Variants in SLC16A10 observed in about 807,000 individuals in gnomAD.
The protein encoded by SLC16A10 is solute carrier family 16 member 10.
SLC16A10 carries 27 observed loss-of-function variants against 40.0 expected under a neutral mutation model. The ratio of observed to expected loss-of-function variants is 0.67; its 90% CI spans 0.50 to 0.93. The LOEUF (loss-of-function observed/expected upper bound fraction) is 0.93, where lower values mean the gene tolerates loss of function less well. Ranked by LOEUF, SLC16A10 falls within the 40% of genes least tolerant of loss-of-function variation. The pLI is 0.00. For missense variants in SLC16A10, 529 were observed against 658.2 expected (o/e 0.80, Z 2.15); for synonymous variants, 213 against 249.8 (o/e 0.85, Z 1.39).
At chr6:111,210,044 A>G (rs1470795630) in intron 4 of SLC16A10, among the ~76,000 whole-genome samples, 1 of 152,204 alleles carries the variant, frequency 6.6e-6, no homozygotes, top group Non-Finnish European at 1.5e-5. Flanking sequence ...AAATTTGGAC[A>G]CAGGAAAATG....
chr6:111,146,988 G>A (rs923790897), intron 1 of SLC16A10, among the ~76,000 whole-genome samples: 7 of 152,178 alleles, frequency 4.6e-5, no homozygotes. Flanking sequence ...TGTATAAAAT[G>A]TCCAGAATTA....
At chr6:111,174,747 A>G (rs1329544253) in intron 2 of SLC16A10, among the ~76,000 whole-genome samples, 1 of 151,940 alleles carries the variant, frequency 6.6e-6, no homozygotes, top group Non-Finnish European at 1.5e-5. Flanking sequence ...ATGTATTACA[A>G]CTCTAGTTGT....
chr6:111,222,222 A>C lies in SLC16A10; in HGVS notation c.1535A>C (p.Asp512Ala). 2 of 1,601,852 alleles carry C rather than the reference A, an allele frequency of 1.2e-6. No individual in the cohort carries two copies. The highest frequency in any genetic ancestry group is 2.3e-5 in the South Asian group (2 of 88,302). Residue 512 changes from aspartate (D) to alanine (A), a missense_variant, in exon 6 of 6, where the codon GAC (aspartate) becomes GCC (alanine). Asp to Ala is a moderately radical substitution (Grantham distance 126). Transcript: ENST00000368851. ...TCTGGAATGTTCAAGAAAGAATCTGACTCTATTATTTAATATCTTACATAC... is the reference window on the plus strand; with the variant it reads ...TCTGGAATGTTCAAGAAAGAATCTGCCTCTATTATTTAATATCTTACATAC... ...SSSGMFKKES[D>A]SII is the part of the protein sequence containing the mutation.
intron 1 of SLC16A10, among the ~76,000 whole-genome samples, chr6:111,093,961 C>T (rs891807302): frequency 1.3e-5 from 2 of 152,132 alleles, no homozygotes; most frequent in African/African-American, 4.8e-5. Flanking sequence ...AAGTGCGAGA[C>T]TGAATAGCAT....
intron 3 of SLC16A10, among the ~76,000 whole-genome samples, chr6:111,180,650 A>C (rs576397501): frequency 6.6e-6 from 1 of 152,132 alleles, no homozygotes; most frequent in African/African-American, 2.4e-5. Context: ...TGGAAGGTGA[A>C]GAAATAAAGA....
chr6:111,096,873 C>T (rs934735046), intron 1 of SLC16A10, among the ~76,000 whole-genome samples: 61 of 151,990 alleles, frequency 4.0e-4, no homozygotes, highest in African/African-American at 1.4e-3. Context: ...GACTGGAGTG[C>T]AGTCAGTGAT....
intron 3 of SLC16A10, among the ~76,000 whole-genome samples, chr6:111,186,979 A>G (rs1192407192): frequency 2.0e-5 from 3 of 152,134 alleles, no homozygotes; most frequent in Non-Finnish European, 4.4e-5. Context: ...GTATCTCTGT[A>G]TCCATGTTAA....
chr6:111,206,267 A>C (rs1166848216), intron 3 of SLC16A10, among the ~76,000 whole-genome samples: 5 of 151,968 alleles, frequency 3.3e-5, no homozygotes, highest in Non-Finnish European at 7.4e-5. Flanking sequence ...AGTAGAGATG[A>C]GGTTTCACCA....
At chr6:111,097,592 G>A (rs551299370) in intron 1 of SLC16A10, among the ~76,000 whole-genome samples, 127 of 152,256 alleles carry the variant, frequency 8.3e-4, no homozygotes, top group East Asian at 4.2e-3. Context: ...GGGATTACAG[G>A]CATGAGCCAC....
rs149963730 is a variant in SLC16A10, at chr6:111,193,676, T to C, written c.943-12916T>C. ...GCCAAAAATAAATATTTATAGATAA[T>C]TGAATAGTAGTTTTTAGAAATGATT... is the stretch of plus-strand genomic sequence containing the variant. On this transcript the variant is annotated intron_variant, in intron 3 of 5. Coordinates refer to ENST00000368851, the MANE Select transcript of SLC16A10 (RefSeq NM_018593.5). Among the ~76,000 whole-genome samples the C allele has an allele frequency of 5.9e-4, 90 of 152,284 alleles. 2 individuals are homozygous for C. The East Asian group carries it at 0.015, about 26-fold the overall frequency.
chr6:111,211,294 G>A (rs554907410), intron 4 of SLC16A10, among the ~76,000 whole-genome samples: 69 of 152,242 alleles, frequency 4.5e-4, no homozygotes, highest in Admixed American at 1.4e-3. Context: ...CCTAGATAGG[G>A]CAGACAGATT....
At chr6:111,197,908 C>T (rs1773105612) in intron 3 of SLC16A10, among the ~76,000 whole-genome samples, 2 of 152,270 alleles carry the variant, frequency 1.3e-5, no homozygotes, top group Admixed American at 6.5e-5. Flanking sequence ...AAAATCCAGT[C>T]ACCTCCCACC....
chr6:111,193,041 T>C (rs1441576950), intron 3 of SLC16A10, among the ~76,000 whole-genome samples: 2 of 152,144 alleles, frequency 1.3e-5, no homozygotes, highest in Non-Finnish European at 2.9e-5. Flanking sequence ...TTTTTTGAGA[T>C]GAAGTCTCAC....
chr6:111,127,625 T>C (rs961714456), intron 1 of SLC16A10, among the ~76,000 whole-genome samples: 3 of 152,232 alleles, frequency 2.0e-5, no homozygotes, highest in African/African-American at 7.2e-5. Context: ...TAGTGGTGGC[T>C]GATCAGCAAT....
intron 4 of SLC16A10, among the ~76,000 whole-genome samples, chr6:111,207,171 T>C (rs1426664121): frequency 6.6e-6 from 1 of 152,220 alleles, no homozygotes; most frequent in East Asian, 1.9e-4. Flanking sequence ...AAGGACAAAA[T>C]TAGTTATTAG....
intron 1 of SLC16A10, among the ~76,000 whole-genome samples, chr6:111,139,504 G>C (rs183629013): frequency 6.6e-6 from 1 of 152,248 alleles, no homozygotes; most frequent in Admixed American, 6.5e-5. Flanking sequence ...GTTTCATCAT[G>C]TTGGCCAGGA....
At position 111,222,150 on chromosome 6, in the gene SLC16A10, A is replaced by T; in HGVS notation, c.1463A>T (p.Lys488Met). 6.2e-7 allele frequency: 1 copy of T among 1,607,556 alleles called. No homozygotes were observed. The highest frequency in any genetic ancestry group is 8.5e-7 in the Non-Finnish European group (1 of 1,178,388). ...REISKTTGKE[K>M]MEKMLENQNS... ...ATCAGTAAAACCACTGGAAAAGAAA[A>T]GATGGAGAAAATGTTGGAAAACCAG... is the stretch of plus-strand genomic sequence containing the variant. The change falls in exon 6 of 6, where the codon AAG becomes ATG. Residue 488 changes from lysine to methionine, a missense_variant. Lys to Met is a moderately conservative substitution (Grantham distance 95). Coordinates refer to ENST00000368851, the MANE Select transcript of SLC16A10 (RefSeq NM_018593.5).
intron 1 of SLC16A10, among the ~76,000 whole-genome samples, chr6:111,094,739 G>A (rs1029306275): frequency 6.6e-6 from 1 of 152,082 alleles, no homozygotes; most frequent in African/African-American, 2.4e-5. Context: ...CTAAGCTCAA[G>A]CAATCCTCCT....
At position 111,224,906 on chromosome 6, in the gene SLC16A10, C is replaced by G. The variant is rs762263916; in HGVS notation, c.*2671C>G. ...CTGAAAAGAATACAGAGTCAGAACTCTGTTTTTATCTCCTCATCCTGTTTT... is the reference window on the plus strand; with the variant it reads ...CTGAAAAGAATACAGAGTCAGAACTGTGTTTTTATCTCCTCATCCTGTTTT... On this transcript the variant is annotated 3_prime_UTR_variant, in exon 6 of 6. Transcript: ENST00000368851. The G allele has an allele frequency of 1.1e-4, 17 of 152,148 alleles. No homozygotes were observed. Among genetic ancestry groups the G allele is most frequent in the Non-Finnish European group, 2.2e-4 (15 of 68,028 alleles). The allele number at this position is 152,148 out of a possible 1,614,324, so 9.4% of individuals were successfully genotyped here.
Sources: gnomAD v4.1 joint callset for allele counts (sites outside exome capture counted in the v4.1 genomes callset) on GRCh38, gnomAD v4.1.1 for gene constraint, MANE v1.5 for transcripts, NCBI Gene and HGNC (gene_info 2026-07-23, HGNC 2026-07-21) for gene names.